PATJ: variants seen among roughly 807,000 people sequenced by gnomAD.
PATJ encodes PATJ crumbs cell polarity complex component.
PATJ carries 190 observed loss-of-function variants against 224.9 expected under a neutral mutation model. The ratio of observed to expected loss-of-function variants is 0.84; its 90% CI spans 0.75 to 0.95. PATJ has a LOEUF of 0.95. PATJ is among the 40% of genes least tolerant of loss of function. The pLI, the probability that PATJ is intolerant of heterozygous loss-of-function variation, is 0.00. For missense variants in PATJ, 2,121 were observed against 2,270.3 expected (o/e 0.93, Z 1.34); for synonymous variants, 769 against 820.3 (o/e 0.94, Z 1.07).
At chr1:61,758,336 T>C (rs1308470161) in intron 1 of PATJ, among the ~76,000 whole-genome samples, 1 of 152,194 alleles carries the variant, frequency 6.6e-6, no homozygotes, top group African/African-American at 2.4e-5. Flanking sequence ...ATGATAAACT[T>C]ACTGTAGTTT....
intron 20 of PATJ, among the ~76,000 whole-genome samples, chr1:61,869,490 G>A (rs1051459481): frequency 3.9e-5 from 6 of 152,030 alleles, no homozygotes; most frequent in Admixed American, 6.6e-5. Flanking sequence ...CCTGGGGGTC[G>A]ACCCACCTCA....
Position 62,150,011 on chromosome 1 carries a change from C to T in PATJ, c.5378+1621C>T, listed in dbSNP as rs181940148. Among the ~76,000 whole-genome samples, 288 of 152,104 alleles carry T rather than the reference C, an allele frequency of 1.9e-3. 2 individuals are homozygous for T. Among genetic ancestry groups the T allele is most frequent in the African/African-American group, 5.8e-3 (242 of 41,488 alleles). ...TAAGGGTCTTTAATGATTTGATGGC[C>T]ACAGGAGGTAGCTCTAAAGCAATGG... On this transcript the variant is annotated intron_variant, in intron 42 of 43. Coordinates refer to ENST00000642238, the MANE Select transcript of PATJ (RefSeq NM_001350145.3).
intron 24 of PATJ, among the ~76,000 whole-genome samples, chr1:61,903,787 T>TTTTTTATTGTG: frequency 6.6e-6 from 1 of 151,174 alleles, no homozygotes. Context: ...TTTTTTTTTT[T>TTTTTTATTGTG]TTTGAGATGG....
At chr1:62,021,019 G>A (rs904216081) in intron 29 of PATJ, among the ~76,000 whole-genome samples, 3 of 152,072 alleles carry the variant, frequency 2.0e-5, no homozygotes, top group African/African-American at 7.2e-5. Flanking sequence ...AGTAGAGACA[G>A]GGTTTCACTA....
chr1:61,905,365 C>T (rs1298356208), intron 24 of PATJ, among the ~76,000 whole-genome samples: 3 of 152,206 alleles, frequency 2.0e-5, no homozygotes, highest in Non-Finnish European at 4.4e-5. Flanking sequence ...TGTAAAGGCC[C>T]TACCTACCTC....
At chr1:61,846,583 C>G (rs932927212) in intron 17 of PATJ, among the ~76,000 whole-genome samples, 1 of 152,074 alleles carries the variant, frequency 6.6e-6, no homozygotes, top group Non-Finnish European at 1.5e-5. Flanking sequence ...AGTATATTCA[C>G]ATTTCAACTA....
At chr1:61,935,158 A>G (rs1209849492) in intron 27 of PATJ, among the ~76,000 whole-genome samples, 1 of 152,200 alleles carries the variant, frequency 6.6e-6, no homozygotes, top group African/African-American at 2.4e-5. Flanking sequence ...TGTAACATGT[A>G]AGAGAGTAGT....
chr1:62,025,371 A>T (rs1334238269), intron 29 of PATJ, among the ~76,000 whole-genome samples: 2 of 152,080 alleles, frequency 1.3e-5, no homozygotes, highest in Admixed American at 1.3e-4. Flanking sequence ...ATCAGGCAGG[A>T]TTTGTCCCAG....
chr1:61,914,590 A>G lies in PATJ; in HGVS notation c.3496A>G (p.Ile1166Val), dbSNP rs199888620. The part of the protein sequence containing the change: ...VQSLSSTPRV[I>V]PNVHNKANKI... ...ACCCCTTTTTTTGTCACCATAGGTC[A>G]TTCCTAACGTACATAACAAGGCCAA... The change falls in exon 26 of 44, where the codon ATT (isoleucine) becomes GTT (valine). Residue 1166 changes from isoleucine (I) to valine (V), a missense_variant. Ile to Val is a conservative substitution (Grantham distance 29). Transcript: ENST00000642238. 3.5e-5 allele frequency: 52 copies of G among 1,506,086 alleles called. No individual in the cohort carries two copies. The African/African-American group carries it at 5.9e-4, about 17-fold the overall frequency. 93.3% of individuals were successfully genotyped at this position (1,506,086 alleles called of 1,614,324 possible).
intron 23 of PATJ, among the ~76,000 whole-genome samples, chr1:61,900,652 C>T (rs889933594): frequency 1.3e-5 from 2 of 151,844 alleles, no homozygotes; most frequent in Non-Finnish European, 2.9e-5. Context: ...TGCAGTGGCG[C>T]AATCTCGGCT....
chr1:61,941,932 T>C (rs1677879348), intron 27 of PATJ, among the ~76,000 whole-genome samples: 1 of 152,218 alleles, frequency 6.6e-6, no homozygotes, highest in Non-Finnish European at 1.5e-5. Context: ...TAAATCCAAA[T>C]GTCAGTCTTG....
chr1:61,786,442 T>C (rs200396504), intron 7 of PATJ, among the ~76,000 whole-genome samples: 1 of 152,160 alleles, frequency 6.6e-6, no homozygotes, highest in East Asian at 1.9e-4. Flanking sequence ...TGGATTTCTC[T>C]ACTGAACTTC....
intron 6 of PATJ, among the ~76,000 whole-genome samples, chr1:61,772,487 C>T (rs1475824422): frequency 4.6e-5 from 7 of 151,960 alleles, no homozygotes; most frequent in South Asian, 2.1e-4. Context: ...TGGCTTGCAT[C>T]GTCAGAATGC....
chr1:62,047,844 A>T lies in PATJ; in HGVS notation c.4033-3122A>T, dbSNP rs867237749. The stretch of plus-strand genomic sequence containing the variant: ...TTATCCAAAATTCACTGAGAAGAGG[A>T]TGTTCTATCTAATACAATTTTCTGG... On this transcript the variant is annotated intron_variant, in intron 30 of 43. Transcript: ENST00000642238. 2.6e-5 allele frequency among the ~76,000 whole-genome samples: 4 copies of T among 152,316 alleles called. No homozygotes were observed. In the South Asian group the frequency reaches 8.3e-4, roughly 32 times the overall value.
chr1:62,143,405 G>A (rs1328246843), intron 41 of PATJ, among the ~76,000 whole-genome samples: 10 of 146,072 alleles, frequency 6.8e-5, no homozygotes, highest in Non-Finnish European at 1.2e-4. Context: ...CAGATGTCAA[G>A]TTGGCAATTG....
At chr1:61,781,531 C>A (rs1229178871) in intron 7 of PATJ, among the ~76,000 whole-genome samples, 1 of 152,192 alleles carries the variant, frequency 6.6e-6, no homozygotes, top group African/African-American at 2.4e-5. Context: ...GTGGTATACA[C>A]CCTCCCTATT....
intron 9 of PATJ, among the ~76,000 whole-genome samples, chr1:61,793,929 T>C (rs1311875530): frequency 4.5e-3 from 1 of 224 alleles, no homozygotes; most frequent in African/African-American, 0.023. Flanking sequence ...TGAGACAGAA[T>C]CTCGCTCTTG....
chr1:61,883,329 T>C, intron 21 of PATJ, among the ~76,000 whole-genome samples: 1 of 152,096 alleles, frequency 6.6e-6, no homozygotes, highest in East Asian at 1.9e-4. Context: ...AAATAAATTA[T>C]GGCAATCTGT....
intron 16 of PATJ, among the ~76,000 whole-genome samples, chr1:61,830,260 A>G (rs1659069351): frequency 6.6e-6 from 1 of 152,230 alleles, no homozygotes; most frequent in Admixed American, 6.5e-5. Context: ...AATCCCATTC[A>G]CATAGCCACA....
Sources: allele counts gnomAD v4.1 joint callset (sites outside exome capture counted in the v4.1 genomes callset), GRCh38; gene constraint gnomAD v4.1.1; transcripts MANE v1.5; gene names NCBI Gene and HGNC (gene_info 2026-07-23, HGNC 2026-07-21).